The following CHCHD6 variants were observed in gnomAD, a reference collection of about 807,000 sequenced individuals.
CHCHD6 encodes the protein MICOS complex subunit MIC25.
CHCHD6 carries 28 observed loss-of-function variants against 32.3 expected under a neutral mutation model. That is an observed-to-expected ratio of 0.87 (90% CI 0.64 to 1.19). CHCHD6 has a LOEUF of 1.19. Among genes scored for constraint, CHCHD6 ranks in the 50% most tolerant of loss-of-function variants. The pLI, the probability that CHCHD6 is intolerant of heterozygous loss-of-function variation, is 0.00. For missense variants in CHCHD6, 333 were observed against 307.0 expected (o/e 1.08, Z -0.63); for synonymous variants, 122 against 117.5 (o/e 1.04, Z -0.25).
chr3:126,870,374 C>T (rs116676673), intron 5 of CHCHD6, among the ~76,000 whole-genome samples: 1 of 152,230 alleles, frequency 6.6e-6, no homozygotes, highest in African/African-American at 2.4e-5. Context: ...CAGCATCCAC[C>T]TGCAGCCCCC....
chr3:126,885,445 C>T (rs985173820), intron 5 of CHCHD6, among the ~76,000 whole-genome samples: 1 of 152,192 alleles, frequency 6.6e-6, no homozygotes, highest in Admixed American at 6.5e-5. Flanking sequence ...TAGCTGCACA[C>T]TGGCCTGCAC....
At chr3:126,898,178 G>A (rs2077868131) in intron 5 of CHCHD6, among the ~76,000 whole-genome samples, 2 of 152,270 alleles carry the variant, frequency 1.3e-5, no homozygotes, top group Non-Finnish European at 2.9e-5. Flanking sequence ...GCACCCCCTG[G>A]ACTGTCCTTC....
intron 4 of CHCHD6, among the ~76,000 whole-genome samples, chr3:126,737,683 G>A (rs1372674333): frequency 3.3e-5 from 5 of 152,078 alleles, no homozygotes; most frequent in Non-Finnish European, 5.9e-5. Flanking sequence ...TGAAATGTGA[G>A]CTTGATCTTG....
At chr3:126,880,046 C>T (rs879706145) in intron 5 of CHCHD6, among the ~76,000 whole-genome samples, 6 of 152,142 alleles carry the variant, frequency 3.9e-5, no homozygotes, top group Non-Finnish European at 7.3e-5. Context: ...GATGAAGGAA[C>T]AGAAAAGATT....
chr3:126,789,755 CG>C (rs1320674939), intron 4 of CHCHD6, among the ~76,000 whole-genome samples: 25 of 151,968 alleles, frequency 1.6e-4, no homozygotes, highest in African/African-American at 5.8e-4. Flanking sequence ...TACAGCACAC[CG>C]ATGGGTCTTG....
chr3:126,857,490 A>G (rs1308196242), intron 5 of CHCHD6, among the ~76,000 whole-genome samples: 1 of 152,086 alleles, frequency 6.6e-6, no homozygotes, highest in Non-Finnish European at 1.5e-5. Flanking sequence ...CTGCCGATCG[A>G]ACTTTCTTAA....
chr3:126,895,997 C>G (rs2077833054), intron 5 of CHCHD6, among the ~76,000 whole-genome samples: 1 of 152,234 alleles, frequency 6.6e-6, no homozygotes, highest in East Asian at 1.9e-4. Context: ...TCTAGCTCAG[C>G]AAGTCCCACC....
intron 4 of CHCHD6, among the ~76,000 whole-genome samples, chr3:126,793,164 A>G (rs914003556): frequency 6.6e-6 from 1 of 152,136 alleles, no homozygotes; most frequent in Non-Finnish European, 1.5e-5. Context: ...TAAAAAGTCC[A>G]TTATAGCAGT....
chr3:126,836,045 A>G (rs1940847323), intron 4 of CHCHD6, among the ~76,000 whole-genome samples: 1 of 152,232 alleles, frequency 6.6e-6, no homozygotes, highest in Non-Finnish European at 1.5e-5. Flanking sequence ...GCAGCCTTCC[A>G]GTTCAGCTTT....
chr3:126,939,231 A>G (rs2078524780), intron 6 of CHCHD6, among the ~76,000 whole-genome samples: 1 of 152,060 alleles, frequency 6.6e-6, no homozygotes, highest in Admixed American at 6.5e-5. Flanking sequence ...TAGGGTTTTG[A>G]GTGCCAGGGG....
At chr3:126,704,977 C>A (rs1013685371) in intron 1 of CHCHD6, among the ~76,000 whole-genome samples, 1 of 152,176 alleles carries the variant, frequency 6.6e-6, no homozygotes, top group Non-Finnish European at 1.5e-5. Context: ...GACTGCATCC[C>A]TCTGGGACTG....
At chr3:126,872,871 TC>T (rs1455650061) in intron 5 of CHCHD6, among the ~76,000 whole-genome samples, 14 of 152,188 alleles carry the variant, frequency 9.2e-5, no homozygotes, top group Admixed American at 3.3e-4. Flanking sequence ...CTGATTTCCC[TC>T]GTTTCTCACC....
chr3:126,727,370 G>T (rs1935584743), intron 2 of CHCHD6, among the ~76,000 whole-genome samples, 184 bp downstream of exon 2: 1 of 152,216 alleles, frequency 6.6e-6, no homozygotes, highest in African/African-American at 2.4e-5. Flanking sequence ...GCTGTCATCA[G>T]AGCTGCCGGG....
At chr3:126,840,444 A>G (rs567992574) in intron 4 of CHCHD6, among the ~76,000 whole-genome samples, 1 of 152,234 alleles carries the variant, frequency 6.6e-6, no homozygotes, top group Non-Finnish European at 1.5e-5. Context: ...TCTGACAGTT[A>G]TTAATACTAT....
chr3:126,832,437 A>G (rs1940683781), intron 4 of CHCHD6, among the ~76,000 whole-genome samples: 3 of 151,864 alleles, frequency 2.0e-5, no homozygotes, highest in Admixed American at 2.0e-4. Flanking sequence ...TCTCCATAAC[A>G]TCCCACTCAG....
chr3:126,815,393 C>T (rs757140109), intron 4 of CHCHD6, among the ~76,000 whole-genome samples: 2 of 152,132 alleles, frequency 1.3e-5, no homozygotes, highest in Non-Finnish European at 2.9e-5. Flanking sequence ...GCAGCATGGT[C>T]GCACACAGAA....
chr3:126,808,356 G>A (rs1483892269), intron 4 of CHCHD6, among the ~76,000 whole-genome samples: 1 of 152,100 alleles, frequency 6.6e-6, no homozygotes, highest in South Asian at 2.1e-4. Flanking sequence ...TCTGAATGAG[G>A]GCTGTAGGTC....
intron 4 of CHCHD6, among the ~76,000 whole-genome samples, chr3:126,792,880 T>G (rs1287964518): frequency 6.6e-6 from 1 of 152,212 alleles, no homozygotes; most frequent in Non-Finnish European, 1.5e-5. Flanking sequence ...TACTTCTCCC[T>G]GCAGTTGTAT....
chr3:126,952,177 T>A (rs1270012217), intron 6 of CHCHD6, among the ~76,000 whole-genome samples: 3 of 152,156 alleles, frequency 2.0e-5, no homozygotes, highest in African/African-American at 7.2e-5. Context: ...GGAGGCTATT[T>A]AATGACAGTG....
Sources: gnomAD v4.1 joint callset for allele counts (sites outside exome capture counted in the v4.1 genomes callset) on GRCh38, gnomAD v4.1.1 for gene constraint, MANE v1.5 for transcripts, NCBI Gene and HGNC (gene_info 2026-07-23, HGNC 2026-07-21) for gene names.